RAD51B: variants seen among roughly 807,000 people sequenced by gnomAD.
RAD51B encodes the protein RAD51 paralog B, also known as DNA repair protein RAD51 homolog 2.
RAD51B carries 38 observed loss-of-function variants against 42.2 expected under a neutral mutation model. That is an observed-to-expected ratio of 0.90 (90% CI 0.70 to 1.18). The LOEUF (loss-of-function observed/expected upper bound fraction) is 1.18. RAD51B is among the 50% of genes most tolerant of loss of function. The pLI is 0.00. For missense variants in RAD51B, 373 were observed against 400.7 expected (o/e 0.93, Z 0.59); for synonymous variants, 154 against 145.2 (o/e 1.06, Z -0.43).
At chr14:68,262,735 T>C (rs2080914365) in intron 7 of RAD51B, among the ~76,000 whole-genome samples, 1 of 152,178 alleles carries the variant, frequency 6.6e-6, no homozygotes, top group African/African-American at 2.4e-5. Context: ...CCCCCTGCCC[T>C]TCTCTCCTGA....
intron 8 of RAD51B, among the ~76,000 whole-genome samples, chr14:68,332,665 G>A (rs1204792366): frequency 6.6e-6 from 1 of 152,092 alleles, no homozygotes; most frequent in Non-Finnish European, 1.5e-5. Flanking sequence ...TCTAATTCTA[G>A]GCTGTCTCTA....
intron 8 of RAD51B, among the ~76,000 whole-genome samples, chr14:68,300,993 C>T (rs114698694): frequency 6.6e-6 from 1 of 152,144 alleles, no homozygotes; most frequent in Middle Eastern, 3.2e-3. Context: ...CAAAATTACT[C>T]TCTACCCTCA....
intron 10 of RAD51B, among the ~76,000 whole-genome samples, chr14:68,573,937 C>T (rs1228199256): frequency 6.6e-6 from 1 of 151,398 alleles, no homozygotes; most frequent in East Asian, 1.9e-4. Context: ...TTCTCATTGA[C>T]TGCTGTGTGT....
intron 7 of RAD51B, among the ~76,000 whole-genome samples, chr14:68,120,636 G>T (rs555854649): frequency 6.6e-6 from 1 of 151,546 alleles, no homozygotes; most frequent in Admixed American, 6.6e-5. Flanking sequence ...TTCAAGGTGG[G>T]TTTTTTTTTC....
intron 7 of RAD51B, among the ~76,000 whole-genome samples, chr14:68,178,082 A>C (rs926676978): frequency 3.9e-5 from 6 of 151,962 alleles, no homozygotes; most frequent in Non-Finnish European, 8.8e-5. Context: ...TTCTTTTTTC[A>C]TATCCCTTTC....
intron 5 of RAD51B, among the ~76,000 whole-genome samples, chr14:67,868,841 G>A (rs539978163): frequency 1.3e-5 from 2 of 152,394 alleles, no homozygotes; most frequent in South Asian, 2.1e-4. Context: ...CACCTCACAC[G>A]GCCGGGTACT....
chr14:68,170,990 A>G (rs896873769), intron 7 of RAD51B, among the ~76,000 whole-genome samples: 2 of 152,230 alleles, frequency 1.3e-5, no homozygotes, highest in Admixed American at 6.5e-5. Flanking sequence ...GTAAGTTTTT[A>G]CCAGGAGTCC....
chr14:68,455,470 C>T (rs1367834261), intron 9 of RAD51B, among the ~76,000 whole-genome samples: 1 of 151,962 alleles, frequency 6.6e-6, no homozygotes, highest in Non-Finnish European at 1.5e-5. Context: ...GTAATCCCAG[C>T]ACTTTGGGAG....
intron 8 of RAD51B, among the ~76,000 whole-genome samples, chr14:68,332,153 G>T (rs757958587): frequency 6.6e-6 from 1 of 152,124 alleles, no homozygotes; most frequent in African/African-American, 2.4e-5. Flanking sequence ...ACCCTGTCTT[G>T]TTGAAAGATT....
chr14:68,650,240 T>G (rs1892673405), intron 10 of RAD51B, among the ~76,000 whole-genome samples: 1 of 152,184 alleles, frequency 6.6e-6, no homozygotes, highest in African/African-American at 2.4e-5. Context: ...AATATTCAAT[T>G]TCTAGCTACT....
chr14:68,443,100 C>T (rs747883601), intron 9 of RAD51B, among the ~76,000 whole-genome samples: 3 of 152,100 alleles, frequency 2.0e-5, no homozygotes, highest in Non-Finnish European at 4.4e-5. Context: ...TCCTCAATAA[C>T]AGTGAAAGGA....
At chr14:67,900,018 TTTTC>T in intron 7 of RAD51B, among the ~76,000 whole-genome samples, 1 of 152,202 alleles carries the variant, frequency 6.6e-6, no homozygotes, top group Non-Finnish European at 1.5e-5. Flanking sequence ...TACTAAAAAC[TTTTC>T]AATACTTATT....
intron 7 of RAD51B, among the ~76,000 whole-genome samples, chr14:67,936,615 G>T (rs1450225555): frequency 6.6e-6 from 1 of 152,138 alleles, no homozygotes; most frequent in Non-Finnish European, 1.5e-5. Context: ...ATATCCCCAG[G>T]AGTAGAATTG....
chr14:67,842,109 G>T lies in RAD51B; in HGVS notation c.315+6913G>T, dbSNP rs529523711. Among the ~76,000 whole-genome samples the T allele has an allele frequency of 3.9e-5, 6 of 152,154 alleles. No individual in the cohort carries two copies. In the South Asian group the frequency reaches 1.2e-3, roughly 32 times the overall value. On this transcript the variant is annotated intron_variant, in intron 4 of 10. Coordinates refer to ENST00000471583, the MANE Select transcript of RAD51B (RefSeq NM_133510.4). The stretch of plus-strand genomic sequence containing the variant: ...CCTTCCAAAGATCGTTCACCTCCTT[G>T]GTTAGATGTATTCCTAGATATTTTA...
intron 7 of RAD51B, among the ~76,000 whole-genome samples, chr14:67,988,861 A>G (rs1464019780): frequency 3.9e-5 from 6 of 152,230 alleles, no homozygotes; most frequent in Non-Finnish European, 8.8e-5. Context: ...TGTAAAATAT[A>G]GTTTGTAATG....
At chr14:68,654,708 C>G (rs145282946) in intron 11 of RAD51B, among the ~76,000 whole-genome samples, 1 of 152,158 alleles carries the variant, frequency 6.6e-6, no homozygotes, top group Non-Finnish European at 1.5e-5. Flanking sequence ...CCAACTCTAC[C>G]GCGGCCTTGA....
intron 11 of RAD51B, among the ~76,000 whole-genome samples, chr14:68,653,261 G>C (rs985670234): frequency 6.6e-6 from 1 of 152,228 alleles, no homozygotes; most frequent in African/African-American, 2.4e-5. Flanking sequence ...GCTGAGACTG[G>C]AGGATGCCTG....
At chr14:68,403,182 C>G (rs1052732869) in intron 8 of RAD51B, among the ~76,000 whole-genome samples, 3 of 152,144 alleles carry the variant, frequency 2.0e-5, no homozygotes, top group African/African-American at 7.2e-5. Flanking sequence ...TTTCCTCTTT[C>G]TACTCTAAAT....
chr14:67,904,390 T>A (rs559324553), intron 7 of RAD51B, among the ~76,000 whole-genome samples: 9 of 152,134 alleles, frequency 5.9e-5, no homozygotes, highest in Non-Finnish European at 1.2e-4. Context: ...TTCCCTTTTC[T>A]CTGCAACCTT....
Sources: gnomAD v4.1 joint callset for allele counts (sites outside exome capture counted in the v4.1 genomes callset) on GRCh38, gnomAD v4.1.1 for gene constraint, MANE v1.5 for transcripts, NCBI Gene and HGNC (gene_info 2026-07-23, HGNC 2026-07-21) for gene names.